BLK: variants seen among roughly 807,000 people sequenced by gnomAD.
BLK encodes the protein tyrosine-protein kinase Blk.
In BLK, 64 loss-of-function variants were observed where a neutral mutation model predicts 61.8. That is an observed-to-expected ratio of 1.03 (90% CI 0.85 to 1.27). The LOEUF is 1.27. Among genes scored for constraint, BLK ranks in the 50% most tolerant of loss-of-function variants. The pLI is 0.00. For missense variants in BLK, 853 were observed against 660.5 expected (o/e 1.29, Z -3.19); for synonymous variants, 351 against 272.0 (o/e 1.29, Z -2.86).
At chr8:11,563,736 T>C (rs958035668) in intron 12 of BLK, among the ~76,000 whole-genome samples, 167 bp from the exon 13 acceptor site, 1 of 152,218 alleles carries the variant, frequency 6.6e-6, no homozygotes, top group Non-Finnish European at 1.5e-5. Context: ...TAAAGGGCTG[T>C]TTAGAGACCG....
chr8:11,535,096 T>G (rs1800057513), intron 1 of BLK, among the ~76,000 whole-genome samples: 1 of 151,894 alleles, frequency 6.6e-6, no homozygotes, highest in African/African-American at 2.4e-5. Flanking sequence ...GAGGATCACT[T>G]GAGCCCAGGA....
At chr8:11,543,459 G>C in intron 2 of BLK, 112 bp downstream of exon 2, 2 of 1,415,758 alleles carry the variant, frequency 1.4e-6, no homozygotes, top group East Asian at 2.5e-5. Context: ...GGGATGTAAC[G>C]ATCTGCAATG....
intron 5 of BLK, 91 bp downstream of exon 5, chr8:11,549,213 T>A (rs1221979282): frequency 8.3e-7 from 1 of 1,198,666 alleles, no homozygotes; most frequent in Non-Finnish European, 1.2e-6. Context: ...AGAGTGGGAC[T>A]GACCAGGGAG....
chr8:11,524,736 T>G (rs1415138712), intron 1 of BLK, among the ~76,000 whole-genome samples: 3 of 152,092 alleles, frequency 2.0e-5, no homozygotes, highest in African/African-American at 7.2e-5. Context: ...AGCTGGGGTG[T>G]GCGGCAGAAG....
intron 1 of BLK, among the ~76,000 whole-genome samples, chr8:11,506,252 C>T (rs532512165): frequency 6.6e-6 from 1 of 152,330 alleles, no homozygotes; most frequent in Admixed American, 6.5e-5. Flanking sequence ...GTCCTATTTG[C>T]AGACCTAGGG....
At chr8:11,563,443 G>A (rs181772997) in intron 12 of BLK, among the ~76,000 whole-genome samples, 203 of 152,344 alleles carry the variant, frequency 1.3e-3, no homozygotes, top group Middle Eastern at 3.4e-3. Context: ...TGCACCCATA[G>A]TGGATTCCCC....
Position 11,555,365 on chromosome 8 carries a change from TGCCCTGTGTGCGCCC to T in BLK, c.655_669del (p.Pro219_Pro223del). The T allele has an allele frequency of 6.2e-7, 1 of 1,614,166 alleles. No individual in the cohort carries two copies. The highest frequency in any genetic ancestry group is 8.5e-7 in the Non-Finnish European group (1 of 1,180,024). On this transcript the variant is annotated inframe_deletion, in exon 8 of 13. Transcript: ENST00000259089. Reference sequence around the variant, plus strand: ...GATGGTCTATGCCAGAGGCTGACCCTGCCCTGTGTGCGCCCGGCCCCGCAGAATCCCTGGGCCCAG... The same window carrying T: ...GATGGTCTATGCCAGAGGCTGACCCTGGCCCCGCAGAATCCCTGGGCCCAG...
chr8:11,502,712 G>A (rs1310117301), intron 1 of BLK, among the ~76,000 whole-genome samples: 1 of 152,228 alleles, frequency 6.6e-6, no homozygotes, highest in East Asian at 1.9e-4. Flanking sequence ...TCACTGACGG[G>A]GAGGCCGAGT....
chr8:11,533,698 G>C (rs1386015987), intron 1 of BLK, among the ~76,000 whole-genome samples: 2 of 151,872 alleles, frequency 1.3e-5, no homozygotes, highest in East Asian at 3.9e-4. Flanking sequence ...GATCTATCTA[G>C]TTTACAGGGT....
At position 11,550,225 on chromosome 8, in the gene BLK, C is replaced by T. The variant is rs7836533; in HGVS notation, c.435C>T (p.Ala145=). The change falls in exon 6 of 13, where the codon GCC becomes GCT. Residue 145 remains alanine (A), a synonymous_variant. Transcript: ENST00000259089. Reference sequence around the variant, plus strand: ...AGCTTCTTGCTCCAATCAACAAGGCCGGCTCCTTTCTTATCAGAGAGAGTG... The same window carrying T: ...AGCTTCTTGCTCCAATCAACAAGGCTGGCTCCTTTCTTATCAGAGAGAGTG... ...ERQLLAPINK[A]GSFLIRESET... 2.9e-3 allele frequency: 4,613 copies of T among 1,614,046 alleles called. 122 individuals are homozygous for T. The African/African-American group carries it at 0.055, about 19-fold the overall frequency.
chr8:11,561,515 C>T (rs931653094), intron 11 of BLK, 63 bp downstream of exon 11: 29 of 1,580,592 alleles, frequency 1.8e-5, no homozygotes, highest in African/African-American at 1.3e-4. Context: ...TCCTCAAAGC[C>T]GCCTTTAACT....
intron 1 of BLK, among the ~76,000 whole-genome samples, chr8:11,536,724 A>T (rs17153419): frequency 6.6e-6 from 1 of 152,120 alleles, no homozygotes; most frequent in Non-Finnish European, 1.5e-5. Context: ...TGACTTTAGT[A>T]TATTTTGGAA....
chr8:11,518,933 C>T (rs979166345), intron 1 of BLK, among the ~76,000 whole-genome samples: 9 of 152,186 alleles, frequency 5.9e-5, no homozygotes, highest in African/African-American at 2.2e-4. Flanking sequence ...GCATACGTCG[C>T]ACTTTCTGGG....
chr8:11,545,756 A>G (rs1329878201), intron 2 of BLK: 3 of 471,290 alleles, frequency 6.4e-6, no homozygotes, highest in East Asian at 7.1e-5. Flanking sequence ...TGGTAGAGCC[A>G]GGATGTTAAG....
At chr8:11,548,357 G>A (rs564473368) in intron 4 of BLK, among the ~76,000 whole-genome samples, 2 of 152,114 alleles carry the variant, frequency 1.3e-5, no homozygotes, top group Non-Finnish European at 2.9e-5. Context: ...CAAAGTCCAC[G>A]TTCCATGCCA....
chr8:11,547,079 C>T (rs969147210), intron 3 of BLK, among the ~76,000 whole-genome samples: 4 of 152,268 alleles, frequency 2.6e-5, no homozygotes, highest in Admixed American at 6.5e-5. Flanking sequence ...ACCCATTAAC[C>T]TGCTCATATG....
chr8:11,517,865 T>C (rs1289225396), intron 1 of BLK, among the ~76,000 whole-genome samples: 1 of 152,186 alleles, frequency 6.6e-6, no homozygotes, highest in Non-Finnish European at 1.5e-5. Flanking sequence ...GGGTCACCTT[T>C]CAGAGCTGAA....
intron 10 of BLK, 154 bp from the exon 11 acceptor site, chr8:11,561,148 T>C (rs1335245715): frequency 1.8e-6 from 2 of 1,123,590 alleles, no homozygotes; most frequent in South Asian, 1.3e-5. Flanking sequence ...GAGGAGTTTA[T>C]TCGGCTGAGG....
In BLK at chr8:11,546,249, G is replaced by T; in HGVS notation, c.175+146G>T. On this transcript the variant is annotated intron_variant, in intron 3 of 12. Coordinates refer to ENST00000259089, the MANE Select transcript of BLK (RefSeq NM_001715.3). ...AAGCTGAGAGAGGCCCCGGCTCTGTGCCTCTTGGGGCGTCTCTTCAGGAAC... is the reference window on the plus strand; with the variant it reads ...AAGCTGAGAGAGGCCCCGGCTCTGTTCCTCTTGGGGCGTCTCTTCAGGAAC... 3 of 938,916 alleles carry T rather than the reference G, an allele frequency of 3.2e-6. No homozygotes were observed. In the South Asian group the frequency reaches 4.1e-5, roughly 13 times the overall value. 58.2% of individuals were successfully genotyped at this position (938,916 alleles called of 1,614,324 possible).
Sources: allele counts gnomAD v4.1 joint callset (sites outside exome capture counted in the v4.1 genomes callset), GRCh38; gene constraint gnomAD v4.1.1; transcripts MANE v1.5; gene names NCBI Gene and HGNC (gene_info 2026-07-23, HGNC 2026-07-21).